Variants in NCK1 observed in about 807,000 individuals in gnomAD.
NCK1 encodes SH2/SH3 adapter protein NCK1.
NCK1 carries 19 observed loss-of-function variants against 36.6 expected under a neutral mutation model. The observed-to-expected ratio is 0.52, with a 90% CI of 0.36 to 0.76. The LOEUF (loss-of-function observed/expected upper bound fraction) is 0.76. NCK1 is among the 30% of genes least tolerant of loss of function. The pLI, the probability that NCK1 is intolerant of heterozygous loss-of-function variation, is 0.00. For synonymous variants in NCK1, 165 were observed against 156.0 expected (o/e 1.06, Z -0.43); for missense variants, 358 against 445.6 (o/e 0.80, Z 1.77).
At chr3:136,893,185 T>TTTTCTTTACCC (rs1939297636) in intron 1 of NCK1, among the ~76,000 whole-genome samples, 7 of 19,510 alleles carry the variant, frequency 3.6e-4, no homozygotes, top group African/African-American at 1.1e-3. Flanking sequence ...TGTGTATATA[T>TTTTCTTTACCC]ATATATACAC....
At chr3:136,939,425 G>C (rs1007513736) in intron 2 of NCK1, among the ~76,000 whole-genome samples, 6 of 151,944 alleles carry the variant, frequency 3.9e-5, no homozygotes, top group African/African-American at 1.4e-4. Flanking sequence ...TGGTTTTGTT[G>C]ATTTCCTCTG....
intron 1 of NCK1, among the ~76,000 whole-genome samples, chr3:136,866,312 C>CTTT (rs35197703): frequency 1.4e-5 from 2 of 143,368 alleles, no homozygotes; most frequent in Non-Finnish European, 3.1e-5. Flanking sequence ...TTCTTTCTTT[C>CTTT]TTTTTTTTTT....
chr3:136,902,558 T>G (rs1168496004), intron 1 of NCK1, among the ~76,000 whole-genome samples: 1 of 152,212 alleles, frequency 6.6e-6, no homozygotes, highest in Non-Finnish European at 1.5e-5. Context: ...ACGATTTCAA[T>G]TTTTAAAAAT....
intron 1 of NCK1, among the ~76,000 whole-genome samples, chr3:136,886,817 C>CTTTTTTTTTTTTTTTTTTTTCTTT (rs35976394): frequency 7.3e-6 from 1 of 137,078 alleles, no homozygotes. Context: ...CATGATCAGT[C>CTTTTTTTTTTTTTTTTTTTTCTTT]TTTTTTTTTT....
At chr3:136,896,568 C>A (rs1378817598) in intron 1 of NCK1, among the ~76,000 whole-genome samples, 1 of 152,186 alleles carries the variant, frequency 6.6e-6, no homozygotes, top group Non-Finnish European at 1.5e-5. Flanking sequence ...GGCAGGGTCT[C>A]ACTCTGTCAC....
chr3:136,884,210 C>T (rs963431458), intron 1 of NCK1, among the ~76,000 whole-genome samples: 5 of 151,890 alleles, frequency 3.3e-5, no homozygotes, highest in African/African-American at 9.7e-5. Context: ...AAGCAGGTGG[C>T]GTGGAGGGAG....
intron 1 of NCK1, among the ~76,000 whole-genome samples, chr3:136,881,177 G>C (rs935178853): frequency 3.9e-5 from 6 of 151,968 alleles, no homozygotes; most frequent in Admixed American, 2.0e-4. Flanking sequence ...TACTACTCAA[G>C]TCAAGCAGCC....
At chr3:136,925,874 G>A (rs1940223969) in intron 1 of NCK1, among the ~76,000 whole-genome samples, 1 of 152,126 alleles carries the variant, frequency 6.6e-6, no homozygotes, top group Non-Finnish European at 1.5e-5. Context: ...TAGCTTGTAT[G>A]GTAGTTGCAT....
intron 3 of NCK1, among the ~76,000 whole-genome samples, chr3:136,947,512 A>T (rs188638624): frequency 1.8e-4 from 27 of 152,240 alleles, no homozygotes; most frequent in African/African-American, 6.0e-4. Flanking sequence ...TGTTTTTTAA[A>T]CATTTAAATT....
At chr3:136,879,002 C>T (rs561229092) in intron 1 of NCK1, among the ~76,000 whole-genome samples, 2 of 152,182 alleles carry the variant, frequency 1.3e-5, no homozygotes, top group East Asian at 3.9e-4. Context: ...GTGTTATTTA[C>T]AATAGCTTTT....
At chr3:136,867,428 T>C (rs1938483962) in intron 1 of NCK1, 1 of 144,014 alleles carries the variant, frequency 6.9e-6, no homozygotes, top group African/African-American at 2.6e-5. Context: ...TTTTTTTTTG[T>C]AGAGATAGGG....
At position 136,950,927 on chromosome 3, in the gene NCK1, A is replaced by G. The variant is rs1940956398; in HGVS notation, c.*2474A>G. 1.3e-5 allele frequency among the ~76,000 whole-genome samples: 2 copies of G among 152,176 alleles called. No individual in the cohort carries two copies. Among genetic ancestry groups the G allele is most frequent in the South Asian group, 4.1e-4 (2 of 4,836 alleles). On this transcript the variant is annotated 3_prime_UTR_variant, in exon 4 of 4. Coordinates refer to ENST00000481752, the MANE Select transcript of NCK1 (RefSeq NM_001291999.2). ...AAGCTTTGTGACAAAAACAAATGCCATTGTGTCCCTTATTTAGTCATAAAA... is the reference window on the plus strand; with the variant it reads ...AAGCTTTGTGACAAAAACAAATGCCGTTGTGTCCCTTATTTAGTCATAAAA...
chr3:136,880,397 A>T (rs1938897958), intron 1 of NCK1, among the ~76,000 whole-genome samples: 1 of 152,102 alleles, frequency 6.6e-6, no homozygotes. Context: ...CGGGCCTTTT[A>T]AAAAAGGGAG....
intron 1 of NCK1, among the ~76,000 whole-genome samples, chr3:136,893,847 A>G (rs1249377147): frequency 6.6e-6 from 1 of 152,170 alleles, no homozygotes; most frequent in African/African-American, 2.4e-5. Context: ...ACTATTCATC[A>G]TTACCTTCTT....
chr3:136,872,781 G>A (rs898354942), intron 1 of NCK1, among the ~76,000 whole-genome samples: 6 of 152,204 alleles, frequency 3.9e-5, no homozygotes, highest in Non-Finnish European at 5.9e-5. Flanking sequence ...AGGGGCCAGC[G>A]TAGAGCTTGG....
At chr3:136,935,228 C>T (rs1354254013) in intron 2 of NCK1, among the ~76,000 whole-genome samples, 1 of 152,152 alleles carries the variant, frequency 6.6e-6, no homozygotes, top group Non-Finnish European at 1.5e-5. Flanking sequence ...TGTAATTAGT[C>T]TTAGACATAA....
At chr3:136,931,130 T>C (rs2108133477) in intron 2 of NCK1, among the ~76,000 whole-genome samples, 1 of 152,284 alleles carries the variant, frequency 6.6e-6, no homozygotes, top group South Asian at 2.1e-4. Flanking sequence ...TGAGATTTGA[T>C]ATTTTGATAT....
chr3:136,897,764 GAGA>G (rs774346224), intron 1 of NCK1, among the ~76,000 whole-genome samples: 8 of 152,228 alleles, frequency 5.3e-5, no homozygotes, highest in Admixed American at 6.5e-5. Flanking sequence ...CCCATAAACT[GAGA>G]AGAACTGAGC....
At chr3:136,893,816 A>T (rs576325091) in intron 1 of NCK1, among the ~76,000 whole-genome samples, 1 of 152,348 alleles carries the variant, frequency 6.6e-6, no homozygotes, top group East Asian at 1.9e-4. Context: ...TGCTACTGCA[A>T]CTGGTATTGA....
Sources: gnomAD v4.1 joint callset for allele counts (sites outside exome capture counted in the v4.1 genomes callset) on GRCh38, gnomAD v4.1.1 for gene constraint, MANE v1.5 for transcripts, NCBI Gene and HGNC (gene_info 2026-07-23, HGNC 2026-07-21) for gene names.